ENOX1: variants seen among roughly 807,000 people sequenced by gnomAD.
ENOX1 encodes ecto-NOX disulfide-thiol exchanger 1.
In ENOX1, 42 loss-of-function variants were observed where a neutral mutation model predicts 82.5. The observed-to-expected ratio is 0.51, with a 90% CI of 0.40 to 0.66. The LOEUF (loss-of-function observed/expected upper bound fraction) is 0.66, where lower values mean the gene tolerates loss of function less well. ENOX1 is among the 30% of genes least tolerant of loss of function. The probability of loss-of-function intolerance (pLI) is 0.00; values close to 1 mark genes in which losing one functional copy is unlikely to be tolerated. For synonymous variants in ENOX1, 271 were observed against 282.2 expected, an observed-to-expected ratio of 0.96 and a Z score of 0.40; for missense variants, 608 against 811.6, an observed-to-expected ratio of 0.75 and a Z score of 3.05.
chr13:43,560,796 G>A (rs898100002), intron 2 of ENOX1, among the ~76,000 whole-genome samples: 4 of 152,154 alleles, frequency 2.6e-5, no homozygotes, highest in Admixed American at 2.6e-4. Flanking sequence ...GCTTTGTTCA[G>A]GTGTCATGCT....
At chr13:43,571,886 C>T (rs115743619) in intron 2 of ENOX1, among the ~76,000 whole-genome samples, 1,536 of 151,880 alleles carry the variant, frequency 0.01, 28 homozygotes, top group African/African-American at 0.035. Flanking sequence ...ATCAGACAAG[C>T]GGTGGGGCGG....
intron 12 of ENOX1, among the ~76,000 whole-genome samples, chr13:43,277,106 GGAAAT>G (rs1330183087): frequency 2.6e-5 from 4 of 152,176 alleles, no homozygotes; most frequent in African/African-American, 9.7e-5. Context: ...CCTGGATCAT[GGAAAT>G]GAAATTGTGT....
At chr13:43,403,005 A>T (rs973949604) in intron 5 of ENOX1, among the ~76,000 whole-genome samples, 4 of 152,118 alleles carry the variant, frequency 2.6e-5, no homozygotes, top group African/African-American at 9.7e-5. Context: ...GAATGTATGT[A>T]TTTGTGATAT....
chr13:43,408,646 C>T (rs1386128437), intron 5 of ENOX1, among the ~76,000 whole-genome samples: 2 of 150,350 alleles, frequency 1.3e-5, no homozygotes, highest in East Asian at 2.0e-4. Flanking sequence ...TAGTGCTGCA[C>T]ACCAGGTACA....
chr13:43,335,815 G>A (rs976635797), intron 9 of ENOX1, among the ~76,000 whole-genome samples: 2 of 151,146 alleles, frequency 1.3e-5, no homozygotes, highest in African/African-American at 2.4e-5. Context: ...TTCAGTTCTG[G>A]CAGGCATAGT....
chr13:43,478,062 T>C (rs1425716891), intron 3 of ENOX1, among the ~76,000 whole-genome samples: 1 of 149,232 alleles, frequency 6.7e-6, no homozygotes, highest in African/African-American at 2.5e-5. Context: ...AGGTTTTTTT[T>C]TTTTTTTTTT....
chr13:43,489,007 A>G (rs143882653), intron 2 of ENOX1, among the ~76,000 whole-genome samples: 36 of 152,342 alleles, frequency 2.4e-4, no homozygotes, highest in Non-Finnish European at 3.8e-4. Flanking sequence ...CATGTGGAGA[A>G]TAAAAATTAA....
chr13:43,281,405 T>C (rs1394936265), intron 12 of ENOX1, among the ~76,000 whole-genome samples: 2 of 152,068 alleles, frequency 1.3e-5, no homozygotes, highest in Non-Finnish European at 2.9e-5. Context: ...TAGAAAGCAT[T>C]AAAGAAGTGA....
intron 5 of ENOX1, among the ~76,000 whole-genome samples, chr13:43,405,562 C>T (rs2053743651): frequency 1.3e-5 from 2 of 152,316 alleles, no homozygotes; most frequent in South Asian, 2.1e-4. Flanking sequence ...AAGCAAATGG[C>T]TCTATGGTTA....
At position 43,735,135 on chromosome 13, in the gene ENOX1, G is replaced by A. The variant is rs545740330; in HGVS notation, c.-285+51517C>T. Reference sequence around the variant, plus strand: ...AAAGAATGTCTATCATTTTAAAGTGGAAAATGAGGAACATATTACCATGTT... The same window carrying A: ...AAAGAATGTCTATCATTTTAAAGTGAAAAATGAGGAACATATTACCATGTT... On this transcript the variant is annotated intron_variant, in intron 1 of 16. Transcript: ENST00000690772. Among the ~76,000 whole-genome samples the A allele has an allele frequency of 2.3e-3, 348 of 152,224 alleles. 1 individual carries two copies. The highest frequency in any genetic ancestry group is 6.8e-3 in the South Asian group (33 of 4,820).
intron 9 of ENOX1, among the ~76,000 whole-genome samples, chr13:43,327,117 T>C (rs1156699052): frequency 2.0e-5 from 3 of 152,188 alleles, no homozygotes; most frequent in East Asian, 3.9e-4. Context: ...CCTGTTGCAC[T>C]GACTGCAGCC....
At chr13:43,364,726 G>GT (rs1417043364) in intron 5 of ENOX1, among the ~76,000 whole-genome samples, 1 of 152,156 alleles carries the variant, frequency 6.6e-6, no homozygotes, top group East Asian at 1.9e-4. Context: ...TCCTGGGCAC[G>GT]TATGACTGCC....
intron 1 of ENOX1, among the ~76,000 whole-genome samples, chr13:43,708,074 A>T (rs1357307946): frequency 1.3e-5 from 2 of 152,188 alleles, no homozygotes; most frequent in African/African-American, 4.8e-5. Flanking sequence ...AGAACACCTG[A>T]AGCTGATGAT....
In ENOX1 at chr13:43,269,452, G is replaced by A; in HGVS notation, c.1554+18C>T. ...TGTTTGGACTGATTCATAAATCAGA[G>A]CTGTTTCATTCACTTACTTGTTCCT... On this transcript the variant is annotated intron_variant, in intron 13 of 16. Transcript: ENST00000690772. The A allele has an allele frequency of 6.3e-7, 1 of 1,586,650 alleles. No individual in the cohort carries two copies. The highest frequency in any genetic ancestry group is 8.7e-7 in the Non-Finnish European group (1 of 1,155,140).
intron 1 of ENOX1, among the ~76,000 whole-genome samples, chr13:43,697,956 T>C (rs1002596243): frequency 4.6e-5 from 7 of 152,096 alleles, no homozygotes; most frequent in South Asian, 2.1e-4. Flanking sequence ...AGAATCAGCA[T>C]TGAGGAAGGA....
chr13:43,461,437 C>T (rs2057479465), intron 3 of ENOX1, among the ~76,000 whole-genome samples: 1 of 152,154 alleles, frequency 6.6e-6, no homozygotes, highest in South Asian at 2.1e-4. Flanking sequence ...CAATCACCAC[C>T]ATCTATTGAT....
chr13:43,556,059 T>A (rs1366240581), intron 2 of ENOX1, among the ~76,000 whole-genome samples: 3 of 152,190 alleles, frequency 2.0e-5, no homozygotes, highest in Admixed American at 2.0e-4. Context: ...GAAAAGAACT[T>A]CGATACCAAT....
At chr13:43,252,020 T>G (rs951536499) in intron 14 of ENOX1, among the ~76,000 whole-genome samples, 2 of 152,192 alleles carry the variant, frequency 1.3e-5, no homozygotes, top group African/African-American at 4.8e-5. Flanking sequence ...TAGATTGTAG[T>G]TGTATACTGT....
chr13:43,258,764 C>T lies in ENOX1; in HGVS notation c.1611+6634G>A, dbSNP rs578136939. Among the ~76,000 whole-genome samples the T allele has an allele frequency of 1.7e-3, 266 of 152,260 alleles. 1 individual carries two copies. The highest frequency in any genetic ancestry group is 6.2e-3 in the African/African-American group (258 of 41,528). On this transcript the variant is annotated intron_variant, in intron 14 of 16. Transcript: ENST00000690772. The stretch of plus-strand genomic sequence containing the variant: ...TCTGTACCACTCATTGTGCCCCACT[C>T]CTACTAGACTCTCCTCCCAAGCCTA...
Sources: allele counts gnomAD v4.1 joint callset (sites outside exome capture counted in the v4.1 genomes callset), GRCh38; gene constraint gnomAD v4.1.1; transcripts MANE v1.5; gene names NCBI Gene and HGNC (gene_info 2026-07-23, HGNC 2026-07-21).